NME8: variants seen among roughly 807,000 people sequenced by gnomAD.
NME8 encodes protein NME8.
A neutral mutation model predicts 82.3 loss-of-function variants in NME8; 72 were observed. The observed-to-expected ratio is 0.87, with a 90% CI of 0.72 to 1.06. The LOEUF (loss-of-function observed/expected upper bound fraction) is 1.06, where lower values mean the gene tolerates loss of function less well. Among genes scored for constraint, NME8 ranks in the 50% least tolerant of loss-of-function variants. NME8 has a pLI of 0.00. For missense variants in NME8, 712 were observed against 685.4 expected, an observed-to-expected ratio of 1.04 and a Z score of -0.43; for synonymous variants, 267 against 228.5, an observed-to-expected ratio of 1.17 and a Z score of -1.52.
At chr7:37,895,218 G>A (rs1014600776) in intron 16 of NME8, among the ~76,000 whole-genome samples, 2 of 152,070 alleles carry the variant, frequency 1.3e-5, no homozygotes, top group Admixed American at 6.6e-5. Flanking sequence ...ATTACGATAA[G>A]AAATACACTC....
intron 12 of NME8, among the ~76,000 whole-genome samples, chr7:37,880,271 C>T (rs1390219900): frequency 6.6e-6 from 1 of 152,162 alleles, no homozygotes; most frequent in African/African-American, 2.4e-5. Context: ...AAACTCATTG[C>T]TAACCACAAG....
intron 15 of NME8, among the ~76,000 whole-genome samples, chr7:37,894,257 G>A (rs969087543): frequency 1.3e-5 from 2 of 152,148 alleles, no homozygotes; most frequent in Non-Finnish European, 2.9e-5. Context: ...GGAAAGGTGA[G>A]CCTCAGAGAC....
chr7:37,855,914 G>T (rs903301506), intron 5 of NME8, among the ~76,000 whole-genome samples: 5 of 151,776 alleles, frequency 3.3e-5, no homozygotes, highest in Non-Finnish European at 7.4e-5. Context: ...CACAGCTGCA[G>T]CAATGGCTCA....
At chr7:37,896,686 A>C in intron 16 of NME8, 184 bp from the exon 17 acceptor site, 1 of 616,784 alleles carries the variant, frequency 1.6e-6, no homozygotes, top group Non-Finnish European at 2.9e-6. Flanking sequence ...TATAGCACCC[A>C]CCTAGCATAT....
At chr7:37,888,057 G>A (rs978365396) in intron 14 of NME8, among the ~76,000 whole-genome samples, 3 of 152,070 alleles carry the variant, frequency 2.0e-5, no homozygotes, top group East Asian at 1.9e-4. Context: ...AATATTCATC[G>A]CCTTGATGAT....
intron 14 of NME8, 89 bp downstream of exon 14, chr7:37,885,341 A>G: frequency 3.6e-6 from 3 of 828,092 alleles, no homozygotes; most frequent in Non-Finnish European, 6.2e-6. Context: ...CCACAGCTCT[A>G]GTCCAAGGGA....
rs117675957 is a variant in NME8 at position 37,888,294 on chromosome 7, C to T, written c.1265C>T (p.Ala422Val). Residue 422 changes from alanine to valine, a missense_variant, in exon 15 of 18, where the codon GCG becomes GTG. Transcript: ENST00000199447. Reference sequence around the variant, plus strand: ...TTTCAAAGTTTATGTGCACAGTTTGCGATGGACAGTTTGCCGGTCAACCAG... The same window carrying T: ...TTTCAAAGTTTATGTGCACAGTTTGTGATGGACAGTTTGCCGGTCAACCAG... The part of the protein sequence containing the change: ...YFPESLCAQF[A>V]MDSLPVNQLY... 4.8e-5 allele frequency: 78 copies of T among 1,613,432 alleles called. No homozygotes were observed. The highest frequency in any genetic ancestry group is 6.1e-5 in the Non-Finnish European group (72 of 1,179,586).
intron 14 of NME8, 55 bp downstream of exon 14, chr7:37,885,307 CTT>C: frequency 9.4e-7 from 1 of 1,060,500 alleles, no homozygotes; most frequent in Non-Finnish European, 1.5e-6. Context: ...TTTTAAACAC[CTT>C]TTTAGATGTA....
intron 5 of NME8, among the ~76,000 whole-genome samples, chr7:37,851,386 T>C (rs1020920074): frequency 3.3e-5 from 5 of 152,186 alleles, no homozygotes; most frequent in African/African-American, 1.2e-4. Context: ...CATTGAGTTA[T>C]TGTAAAACTT....
chr7:37,885,112 T>C lies in NME8; in HGVS notation c.1140-33T>C, dbSNP rs767803643. On this transcript the variant is annotated intron_variant, in intron 13 of 17. Coordinates refer to ENST00000199447, the MANE Select transcript of NME8 (RefSeq NM_016616.5). ...ATAATTAGCTACTGAGCTACACTTC[T>C]TATTACCTCTTCTTTGTTTTCTTTT... The C allele has an allele frequency of 2.8e-6, 4 of 1,405,172 alleles. No homozygotes were observed. The South Asian group carries it at 4.7e-5, about 16-fold the overall frequency. The allele number at this position is 1,405,172 out of a possible 1,614,324, so 87.0% of individuals were successfully genotyped here.
At chr7:37,861,993 T>G (rs1422040992) in intron 6 of NME8, 35 bp from the exon 7 acceptor site, 1 of 1,358,684 alleles carries the variant, frequency 7.4e-7, no homozygotes, top group African/African-American at 1.4e-5. Context: ...GTTCTCCAAA[T>G]GAAAGTTCCC....
At chr7:37,878,575 C>A (rs1425297768) in intron 12 of NME8, among the ~76,000 whole-genome samples, 1 of 152,040 alleles carries the variant, frequency 6.6e-6, no homozygotes, top group African/African-American at 2.4e-5. Context: ...ACATGGGGTT[C>A]TCTTTTTTGG....
At chr7:37,868,903 G>A (rs547071115) in intron 11 of NME8, among the ~76,000 whole-genome samples, 3 of 152,288 alleles carry the variant, frequency 2.0e-5, no homozygotes, top group East Asian at 1.9e-4. Context: ...GGTTTTATGC[G>A]CTGCTGTTTG....
intron 11 of NME8, among the ~76,000 whole-genome samples, chr7:37,868,724 A>G (rs926226890): frequency 7.2e-5 from 11 of 152,068 alleles, no homozygotes; most frequent in African/African-American, 2.7e-4. Context: ...CTCCTCTCCC[A>G]TCTCCCCACC....
intron 6 of NME8, among the ~76,000 whole-genome samples, chr7:37,861,492 G>A (rs1784596403): frequency 6.6e-6 from 1 of 152,090 alleles, no homozygotes; most frequent in Non-Finnish European, 1.5e-5. Flanking sequence ...ACCACTCTTG[G>A]TAGCACCTAC....
intron 15 of NME8, among the ~76,000 whole-genome samples, chr7:37,891,330 A>G (rs1160583314): frequency 6.6e-6 from 1 of 151,756 alleles, no homozygotes; most frequent in Non-Finnish European, 1.5e-5. Flanking sequence ...TTGAGGTCTT[A>G]CCAAAAAAAA....
chr7:37,871,295 G>C (rs757577948), intron 11 of NME8, among the ~76,000 whole-genome samples: 4 of 152,186 alleles, frequency 2.6e-5, no homozygotes, highest in Admixed American at 6.5e-5. Context: ...GCAGAAGGGT[G>C]GGGGAAGAGC....
chr7:37,885,106 C>A, intron 13 of NME8, 39 bp from the exon 14 acceptor site: 1 of 1,322,690 alleles, frequency 7.6e-7, no homozygotes, highest in Non-Finnish European at 1.1e-6. Context: ...TACTGAGCTA[C>A]ACTTCTTATT....
intron 16 of NME8, 110 bp from the exon 17 acceptor site, chr7:37,896,760 G>T (rs1004986287): frequency 3.4e-6 from 3 of 883,618 alleles, no homozygotes; most frequent in African/African-American, 1.6e-5. Context: ...TAAGGACAAA[G>T]AATAAAAAGG....
Sources: allele counts gnomAD v4.1 joint callset (sites outside exome capture counted in the v4.1 genomes callset), GRCh38; gene constraint gnomAD v4.1.1; transcripts MANE v1.5; gene names NCBI Gene and HGNC (gene_info 2026-07-23, HGNC 2026-07-21).